Variants in NCOA3 observed in about 807,000 individuals in gnomAD.
The protein encoded by NCOA3 is nuclear receptor coactivator 3.
Under a neutral mutation model 158.8 loss-of-function variants are expected in NCOA3, and 51 were observed. That is an observed-to-expected ratio of 0.32 (90% CI 0.26 to 0.41). The LOEUF is 0.41. Ranked by LOEUF, NCOA3 falls within the 10% of genes least tolerant of loss-of-function variation. NCOA3 has a pLI of 1.00. For missense variants in NCOA3, 1,510 were observed against 1,746.6 expected (o/e 0.86, Z 2.41); for synonymous variants, 537 against 592.4 (o/e 0.91, Z 1.36).
intron 1 of NCOA3, among the ~76,000 whole-genome samples, chr20:47,579,971 G>A (rs1435205805): frequency 6.6e-6 from 1 of 152,116 alleles, no homozygotes; most frequent in African/African-American, 2.4e-5. Flanking sequence ...CTTCTGTCCT[G>A]CCATGTGGTG....
chr20:47,576,968 G>C (rs1240468921), intron 1 of NCOA3, among the ~76,000 whole-genome samples: 3 of 152,184 alleles, frequency 2.0e-5, no homozygotes, highest in Non-Finnish European at 2.9e-5. Context: ...TTGAATGCCT[G>C]TTTTGGTAAC....
chr20:47,579,928 A>G (rs1244486898), intron 1 of NCOA3, among the ~76,000 whole-genome samples: 1 of 152,160 alleles, frequency 6.6e-6, no homozygotes, highest in East Asian at 1.9e-4. Flanking sequence ...GGATCCTGCC[A>G]TGGGATGATG....
chr20:47,507,919 A>C (rs1429610550), intron 1 of NCOA3, among the ~76,000 whole-genome samples: 2 of 152,134 alleles, frequency 1.3e-5, no homozygotes, highest in Admixed American at 1.3e-4. Flanking sequence ...ACGCCTGGCC[A>C]ACAACTTTTA....
At chr20:47,629,752 AT>A in intron 8 of NCOA3, among the ~76,000 whole-genome samples, 1 of 152,254 alleles carries the variant, frequency 6.6e-6, no homozygotes, top group East Asian at 1.9e-4. Flanking sequence ...ACCTCTTATG[AT>A]TTGGCAGTGT....
At chr20:47,584,843 C>T (rs1266906229) in intron 2 of NCOA3, among the ~76,000 whole-genome samples, 2 of 151,808 alleles carry the variant, frequency 1.3e-5, no homozygotes, top group African/African-American at 2.4e-5. Flanking sequence ...TTATGGTATT[C>T]GTATATATGT....
Position 47,534,309 on chromosome 20 carries a change from A to G in NCOA3, c.-99+32290A>G, listed in dbSNP as rs191136990. On this transcript the variant is annotated intron_variant, in intron 1 of 22. Coordinates refer to ENST00000371998, the MANE Select transcript of NCOA3 (RefSeq NM_181659.3). ...GATTTATTTGCTCTATAGAGAAACCAAAGCATGAACTTGTGATTATTTCTT... is the reference window on the plus strand; with the variant it reads ...GATTTATTTGCTCTATAGAGAAACCGAAGCATGAACTTGTGATTATTTCTT... Among the ~76,000 whole-genome samples the G allele has an allele frequency of 5.2e-3, 791 of 152,154 alleles. 3 individuals carry two copies. The highest frequency in any genetic ancestry group is 9.1e-3 in the Non-Finnish European group (620 of 68,006).
intron 5 of NCOA3, 108 bp downstream of exon 5, chr20:47,625,589 A>G: frequency 1.3e-6 from 1 of 769,544 alleles, no homozygotes; most frequent in Middle Eastern, 2.4e-4. Flanking sequence ...ACAAAAAGAA[A>G]ACATTTTTTT....
chr20:47,518,962 C>A (rs1186796940), intron 1 of NCOA3, among the ~76,000 whole-genome samples: 1 of 144,276 alleles, frequency 6.9e-6, no homozygotes, highest in African/African-American at 2.6e-5. Flanking sequence ...ATGGTGAAAC[C>A]TCATCTCTAC....
Position 47,583,253 on chromosome 20 carries a change from G to A in NCOA3, c.-28G>A. 2.5e-6 allele frequency: 1 copy of A among 398,516 alleles called. No homozygotes were observed. The allele number at this position is 398,516 out of a possible 1,614,324, so 24.7% of individuals were successfully genotyped here. On this transcript the variant is annotated 5_prime_UTR_variant, in exon 2 of 23. Coordinates refer to ENST00000371998, the MANE Select transcript of NCOA3 (RefSeq NM_181659.3). ...AAACTGCTTGAACATCCTTTGACTG[G>A]TTAGCCAGGTAATTCAGCTTTAGTT... is the stretch of plus-strand genomic sequence containing the variant.
chr20:47,650,958 A>G (rs1428552753), intron 19 of NCOA3, 24 bp from the exon 20 acceptor site: 1 of 1,608,408 alleles, frequency 6.2e-7, no homozygotes. Context: ...TATATATGTA[A>G]TTGCACTCTT....
Position 47,583,280 on chromosome 20 carries a change from G to T in NCOA3, c.-20+19G>T. 1 of 398,434 alleles carries T rather than the reference G, an allele frequency of 2.5e-6. No individual in the cohort carries two copies. Among genetic ancestry groups the T allele is most frequent in the South Asian group, 1.3e-4 (1 of 7,824 alleles). The allele number at this position is 398,434 out of a possible 1,614,324, so 24.7% of individuals were successfully genotyped here. On this transcript the variant is annotated intron_variant, in intron 2 of 22. Coordinates refer to ENST00000371998, the MANE Select transcript of NCOA3 (RefSeq NM_181659.3). ...TAGCCAGGTAATTCAGCTTTAGTTTGATTTGATCCTTTGTAATTTTTTGTC... is the reference window on the plus strand; with the variant it reads ...TAGCCAGGTAATTCAGCTTTAGTTTTATTTGATCCTTTGTAATTTTTTGTC...
intron 1 of NCOA3, among the ~76,000 whole-genome samples, chr20:47,506,860 C>T (rs531574559): frequency 2.0e-5 from 3 of 151,960 alleles, no homozygotes; most frequent in African/African-American, 7.2e-5. Context: ...AAAAGGTATT[C>T]TGTTGAAATG....
At chr20:47,515,460 T>TTTTC (rs1364755248) in intron 1 of NCOA3, among the ~76,000 whole-genome samples, 15 of 150,520 alleles carry the variant, frequency 1.0e-4, no homozygotes, top group Admixed American at 4.6e-4. Context: ...CACCCGAGCT[T>TTTTC]TTTCTTTCTT....
rs1000273558 is a variant in NCOA3, at chr20:47,526,169, C to T, written c.-99+24150C>T. On this transcript the variant is annotated intron_variant, in intron 1 of 22. Coordinates refer to ENST00000371998, the MANE Select transcript of NCOA3 (RefSeq NM_181659.3). ...CCCCACATCTCAGACGATGGGCGGC[C>T]GGGCAGAGACGCTCCTCACTTCCCA... 3.3e-5 allele frequency among the ~76,000 whole-genome samples: 5 copies of T among 149,994 alleles called. No homozygotes were observed. In the South Asian group the frequency reaches 8.5e-4, roughly 26 times the overall value.
intron 19 of NCOA3, among the ~76,000 whole-genome samples, chr20:47,650,249 A>G (rs2086760252): frequency 6.8e-6 from 1 of 147,704 alleles, no homozygotes; most frequent in African/African-American, 2.5e-5. Flanking sequence ...CCCTTGCAAT[A>G]GCCAGAAAGC....
chr20:47,654,245 T>G lies in NCOA3; in HGVS notation c.*828T>G, dbSNP rs915341513. On this transcript the variant is annotated 3_prime_UTR_variant, in exon 23 of 23. Coordinates refer to ENST00000371998, the MANE Select transcript of NCOA3 (RefSeq NM_181659.3). ...CGTGTTAGACAAGAACTATGATTTT[T>G]TTTTTTAAAGTACTGGTGTCACCCT... The G allele has an allele frequency of 6.6e-6, 1 of 152,654 alleles. No individual in the cohort carries two copies. 9.5% of individuals were successfully genotyped at this position (152,654 alleles called of 1,614,324 possible).
chr20:47,569,113 C>G (rs1192257589), intron 1 of NCOA3, among the ~76,000 whole-genome samples: 1 of 151,940 alleles, frequency 6.6e-6, no homozygotes, highest in Non-Finnish European at 1.5e-5. Flanking sequence ...CCCAGGAGTT[C>G]AAGACCAGGA....
intron 14 of NCOA3, 45 bp from the exon 15 acceptor site, chr20:47,639,532 T>G: frequency 6.2e-7 from 1 of 1,604,174 alleles, no homozygotes. Context: ...TAAGAAGGAT[T>G]TCATTATAAT....
intron 21 of NCOA3, 133 bp downstream of exon 21, chr20:47,652,713 G>T: frequency 9.9e-7 from 1 of 1,012,970 alleles, no homozygotes; most frequent in Non-Finnish European, 1.4e-6. Context: ...GTGTGATTTG[G>T]CTTGTCCATT....
Sources: gnomAD v4.1 joint callset for allele counts (sites outside exome capture counted in the v4.1 genomes callset) on GRCh38, gnomAD v4.1.1 for gene constraint, MANE v1.5 for transcripts, NCBI Gene and HGNC (gene_info 2026-07-23, HGNC 2026-07-21) for gene names.